CFAP299: variants seen among roughly 807,000 people sequenced by gnomAD.
CFAP299 encodes cilia- and flagella-associated protein 299.
A neutral mutation model predicts 27.0 loss-of-function variants in CFAP299; 21 were observed. The observed-to-expected ratio is 0.78, with a 90% CI of 0.55 to 1.12. The LOEUF is 1.12. CFAP299 is among the 50% of genes most tolerant of loss of function. CFAP299 has a pLI of 0.00. For missense variants in CFAP299, 310 were observed against 276.6 expected (o/e 1.12, Z -0.86); for synonymous variants, 104 against 98.1 (o/e 1.06, Z -0.36).
At chr4:80,386,545 C>A in intron 2 of CFAP299, 2 of 1,593,896 alleles carry the variant, frequency 1.3e-6, no homozygotes, top group Non-Finnish European at 1.7e-6. Context: ...TTTGCAGGTC[C>A]TTTTCCTTCT....
chr4:80,562,591 G>C (rs1225911472), intron 2 of CFAP299, among the ~76,000 whole-genome samples: 1 of 151,120 alleles, frequency 6.6e-6, no homozygotes, highest in East Asian at 1.9e-4. Context: ...CTGGGAGGTG[G>C]AGATTGCAGT....
intron 3 of CFAP299, among the ~76,000 whole-genome samples, chr4:80,723,236 T>G (rs1354512129): frequency 6.6e-6 from 1 of 152,178 alleles, no homozygotes; most frequent in Non-Finnish European, 1.5e-5. Context: ...ACCTAGACAC[T>G]CTATCCCTAG....
chr4:80,553,640 C>T (rs954189015), intron 2 of CFAP299, among the ~76,000 whole-genome samples: 1 of 152,112 alleles, frequency 6.6e-6, no homozygotes, highest in African/African-American at 2.4e-5. Flanking sequence ...TGTAACTGTT[C>T]TTTTTTGCCT....
chr4:80,353,581 C>T (rs1457897913), intron 1 of CFAP299, among the ~76,000 whole-genome samples: 1 of 152,230 alleles, frequency 6.6e-6, no homozygotes, highest in African/African-American at 2.4e-5. Context: ...ACACTCCCAA[C>T]TCTAACCTTT....
chr4:80,844,110 T>A (rs1731026859), intron 3 of CFAP299, among the ~76,000 whole-genome samples: 1 of 152,168 alleles, frequency 6.6e-6, no homozygotes, highest in Non-Finnish European at 1.5e-5. Context: ...TGCATAGTAT[T>A]CCATGGTGTA....
intron 2 of CFAP299, among the ~76,000 whole-genome samples, chr4:80,485,611 G>A (rs1186508131): frequency 3.3e-5 from 5 of 151,950 alleles, no homozygotes. Flanking sequence ...GTAACAAAAT[G>A]TATTTTTGTC....
intron 2 of CFAP299, among the ~76,000 whole-genome samples, chr4:80,379,662 T>A (rs749714212): frequency 6.6e-6 from 1 of 152,088 alleles, no homozygotes; most frequent in Admixed American, 6.5e-5. Flanking sequence ...TTATAACTCT[T>A]GAAGTATGTT....
chr4:80,669,870 C>A (rs1208281868), intron 3 of CFAP299, among the ~76,000 whole-genome samples: 1 of 151,646 alleles, frequency 6.6e-6, no homozygotes, highest in East Asian at 1.9e-4. Context: ...CCACTCCCAA[C>A]TCATTAAGGG....
chr4:80,609,348 A>G (rs1737845830), intron 3 of CFAP299, among the ~76,000 whole-genome samples: 1 of 152,056 alleles, frequency 6.6e-6, no homozygotes, highest in Non-Finnish European at 1.5e-5. Context: ...CTTGATAACT[A>G]TGTCATGCTG....
intron 2 of CFAP299, among the ~76,000 whole-genome samples, chr4:80,517,386 A>T (rs1305574991): frequency 1.3e-5 from 2 of 152,120 alleles, no homozygotes; most frequent in East Asian, 3.8e-4. Context: ...TATATTCCAA[A>T]CCATGGGAAG....
chr4:80,521,501 AT>A (rs1295559270), intron 2 of CFAP299, among the ~76,000 whole-genome samples: 2 of 152,150 alleles, frequency 1.3e-5, no homozygotes, highest in Admixed American at 6.5e-5. Context: ...TGCTTAACAA[AT>A]TTTAATGTGT....
At chr4:80,358,446 C>G (rs1723379455) in intron 1 of CFAP299, among the ~76,000 whole-genome samples, 1 of 152,026 alleles carries the variant, frequency 6.6e-6, no homozygotes, top group Non-Finnish European at 1.5e-5. Flanking sequence ...AAATCTCCCA[C>G]TATTATTGTG....
At chr4:80,925,869 A>G (rs1736279380) in intron 4 of CFAP299, among the ~76,000 whole-genome samples, 1 of 152,102 alleles carries the variant, frequency 6.6e-6, no homozygotes, top group Admixed American at 6.6e-5. Flanking sequence ...AGTTCTAGAA[A>G]TAGTCCAATA....
chr4:80,486,427 G>A (rs971034762), intron 2 of CFAP299, among the ~76,000 whole-genome samples: 3 of 152,180 alleles, frequency 2.0e-5, no homozygotes, highest in Admixed American at 1.3e-4. Flanking sequence ...TCTTGTTCAG[G>A]TTTGGCTGCT....
intron 2 of CFAP299, among the ~76,000 whole-genome samples, chr4:80,405,821 A>T (rs1000730185): frequency 6.6e-6 from 1 of 151,994 alleles, no homozygotes; most frequent in Non-Finnish European, 1.5e-5. Flanking sequence ...TAGATTGTAT[A>T]ATTTTCTGAA....
chr4:80,543,447 A>C (rs1734095198), intron 2 of CFAP299, among the ~76,000 whole-genome samples: 1 of 152,254 alleles, frequency 6.6e-6, no homozygotes. Flanking sequence ...AACCCAATCC[A>C]GGGAAAGCAG....
chr4:80,327,807 G>A, the CFAP299 span, among the ~76,000 whole-genome samples: 3 of 131,896 alleles, frequency 2.3e-5, no homozygotes, highest in East Asian at 4.5e-4. Context: ...AAGGGGGAGA[G>A]GTTATAAATT....
intron 4 of CFAP299, among the ~76,000 whole-genome samples, chr4:80,890,811 G>T (rs531171366): frequency 6.8e-6 from 1 of 148,096 alleles, no homozygotes; most frequent in South Asian, 2.2e-4. Context: ...CTGATGGCCA[G>T]TGATGATGAG....
At position 80,867,022 on chromosome 4, in the gene CFAP299, T is replaced by G. The variant is rs571461124; in HGVS notation, c.334-2971T>G. On this transcript the variant is annotated intron_variant, in intron 3 of 5. Transcript: ENST00000358105. ...TAAATCGACATCAATTTTATAATTTTTATGTATTCATTTTCTGCTTAATCT... is the reference window on the plus strand; with the variant it reads ...TAAATCGACATCAATTTTATAATTTGTATGTATTCATTTTCTGCTTAATCT... 9.5e-4 allele frequency among the ~76,000 whole-genome samples: 145 copies of G among 152,328 alleles called. 2 individuals carry two copies. Among genetic ancestry groups the G allele is most frequent in the African/African-American group, 3.3e-3 (138 of 41,580 alleles).
Sources: allele counts gnomAD v4.1 joint callset (sites outside exome capture counted in the v4.1 genomes callset), GRCh38; gene constraint gnomAD v4.1.1; transcripts MANE v1.5; gene names NCBI Gene and HGNC (gene_info 2026-07-23, HGNC 2026-07-21).